The following DHFR2 variants were observed in gnomAD, a reference collection of about 807,000 sequenced individuals.
DHFR2 encodes the protein dihydrofolate reductase 2.
A neutral mutation model predicts 12.0 loss-of-function variants in DHFR2; 11 were observed. The observed-to-expected ratio is 0.92, with a 90% CI of 0.58 to 1.52. The LOEUF (loss-of-function observed/expected upper bound fraction) is 1.52, where lower values mean the gene tolerates loss of function less well. Among genes scored for constraint, DHFR2 ranks in the 40% most tolerant of loss-of-function variants. DHFR2 has a pLI of 0.00. For missense variants in DHFR2, 188 were observed against 221.2 expected (o/e 0.85, Z 0.95); for synonymous variants, 87 against 79.6 (o/e 1.09, Z -0.49).
In DHFR2 at chr3:94,061,000, T is replaced by C; in HGVS notation, c.512A>G (p.Gln171Arg). The change falls in exon 2 of 2, where the codon CAG (glutamine) becomes CGG (arginine). Residue 171 changes from glutamine (Q) to arginine (R), a missense_variant. Gln to Arg is a conservative substitution (Grantham distance 43). Coordinates refer to ENST00000314636, the MANE Select transcript of DHFR2 (RefSeq NM_176815.5). Reference protein sequence around the residue: ...PEYPGVLSDVQEGKHIKYKFE... With the variant: ...PEYPGVLSDVREGKHIKYKFE... Reference sequence around the variant, plus strand: ...TTTGTACTTGATGTGTTTCCCCTCCTGGACATCAGAGAGAACACCTGGGTA... The same window carrying C: ...TTTGTACTTGATGTGTTTCCCCTCCCGGACATCAGAGAGAACACCTGGGTA... 2 of 1,613,982 alleles carry C rather than the reference T, an allele frequency of 1.2e-6. No individual in the cohort carries two copies. The highest frequency in any genetic ancestry group is 1.7e-6 in the Non-Finnish European group (2 of 1,179,858).
Position 94,061,750 on chromosome 3 carries a change from T to C in DHFR2, c.-95-144A>G, listed in dbSNP as rs544489127. Reference sequence around the variant, plus strand: ...TATAAATTTATAAAATTATAAAAAATACAGAGGCTGAAAGGTTAGACCGAC... The same window carrying C: ...TATAAATTTATAAAATTATAAAAAACACAGAGGCTGAAAGGTTAGACCGAC... On this transcript the variant is annotated intron_variant, in intron 1 of 1. Transcript: ENST00000314636. The C allele has an allele frequency of 2.5e-4, 149 of 601,888 alleles. No homozygotes were observed. In the African/African-American group the frequency reaches 2.9e-3, roughly 12 times the overall value. The allele number at this position is 601,888 out of a possible 1,614,324, so 37.3% of individuals were successfully genotyped here. A position where few individuals can be genotyped will look rare whatever the true frequency, so the allele number is the denominator to read the frequency against.
Position 94,061,295 on chromosome 3 carries a change from T to C in DHFR2, c.217A>G (p.Asn73Asp). 1 of 1,614,010 alleles carries C rather than the reference T, an allele frequency of 6.2e-7. No homozygotes were observed. The highest frequency in any genetic ancestry group is 8.5e-7 in the Non-Finnish European group (1 of 1,179,884). The change falls in exon 2 of 2, where the codon AAT becomes GAT. Residue 73 changes from asparagine (N) to aspartate (D), a missense_variant. Coordinates refer to ENST00000314636, the MANE Select transcript of DHFR2 (RefSeq NM_176815.5). ...TTGAGTTCTCTGCTGAGAACTAAAT[T>C]AATTCTATCCTTTAAAGGTCGATTC... ...EKNRPLKDRI[N>D]LVLSRELKEP...
In DHFR2 at chr3:94,062,862, C is replaced by A; in HGVS notation, c.-212G>T. The A allele has an allele frequency of 2.0e-6, 1 of 491,254 alleles. No homozygotes were observed. The highest frequency in any genetic ancestry group is 3.7e-6 in the Non-Finnish European group (1 of 270,424). The allele number at this position is 491,254 out of a possible 1,614,324, so 30.4% of individuals were successfully genotyped here. ...TAGCGAAAGTCGCTTTGGCCCTGGC[C>A]CGTTACCTCCGCGTCCTGGGAAGTA... On this transcript the variant is annotated 5_prime_UTR_variant, in exon 1 of 2. Coordinates refer to ENST00000314636, the MANE Select transcript of DHFR2 (RefSeq NM_176815.5).
chr3:94,059,145 G>T lies in DHFR2; in HGVS notation c.*1803C>A, dbSNP rs1296903670. The T allele has an allele frequency of 6.6e-6, 1 of 152,080 alleles. No individual in the cohort carries two copies. Among genetic ancestry groups the T allele is most frequent in the African/African-American group, 2.4e-5 (1 of 41,392 alleles). The allele number at this position is 152,080 out of a possible 1,614,324, so 9.4% of individuals were successfully genotyped here. On this transcript the variant is annotated 3_prime_UTR_variant, in exon 2 of 2. Transcript: ENST00000314636. Reference sequence around the variant, plus strand: ...AATGTATTATTTTACCTTCACCCTTGATTCTTTGCCTGAATATAGATTTAT... The same window carrying T: ...AATGTATTATTTTACCTTCACCCTTTATTCTTTGCCTGAATATAGATTTAT...
Position 94,059,623 on chromosome 3 carries a change from TC to T in DHFR2, c.*1324del, listed in dbSNP as rs2077161739. ...TTCCAACTTTAAAATATATCTTAAATCACAATTTCTTACCACATGCAATCCT... is the reference window on the plus strand; with the variant it reads ...TTCCAACTTTAAAATATATCTTAAATACAATTTCTTACCACATGCAATCCT... On this transcript the variant is annotated 3_prime_UTR_variant, in exon 2 of 2. Coordinates refer to ENST00000314636, the MANE Select transcript of DHFR2 (RefSeq NM_176815.5). 2.0e-5 allele frequency: 3 copies of T among 152,216 alleles called. No individual in the cohort carries two copies. The highest frequency in any genetic ancestry group is 7.2e-5 in the African/African-American group (3 of 41,448). The allele number at this position is 152,216 out of a possible 1,614,324, so 9.4% of individuals were successfully genotyped here. A position where few individuals can be genotyped will look rare whatever the true frequency, so the allele number is the denominator to read the frequency against.
rs1250215786 is a variant in DHFR2, at chr3:94,059,967, A to C, written c.*981T>G. ...GCCACCCAGGAGCCTGAGGCAGGAG[A>C]ATTGCTTGAACCTGGGAAGGCTGAA... On this transcript the variant is annotated 3_prime_UTR_variant, in exon 2 of 2. Transcript: ENST00000314636. The C allele has an allele frequency of 2.6e-5, 4 of 152,010 alleles. No individual in the cohort carries two copies. Among genetic ancestry groups the C allele is most frequent in the Non-Finnish European group, 5.9e-5 (4 of 68,046 alleles). The allele number at this position is 152,010 out of a possible 1,614,324, so 9.4% of individuals were successfully genotyped here.
Position 94,059,098 on chromosome 3 carries a change from CCT to C in DHFR2, c.*1848_*1849del, listed in dbSNP as rs1275334023. Reference sequence around the variant, plus strand: ...TTCCCAAGAAAGGGTACATGTAACCCCTGAGTCTTTGCTTGTCTAAAAATGTA... The same window carrying C: ...TTCCCAAGAAAGGGTACATGTAACCCGAGTCTTTGCTTGTCTAAAAATGTA... On this transcript the variant is annotated 3_prime_UTR_variant, in exon 2 of 2. Transcript: ENST00000314636. 7 of 152,136 alleles carry C rather than the reference CCT, an allele frequency of 4.6e-5. No homozygotes were observed. The highest frequency in any genetic ancestry group is 9.7e-5 in the African/African-American group (4 of 41,406). The allele number at this position is 152,136 out of a possible 1,614,324, so 9.4% of individuals were successfully genotyped here.
Position 94,062,758 on chromosome 3 carries a change from A to G in DHFR2, c.-108T>C. The G allele has an allele frequency of 3.5e-6, 1 of 284,714 alleles. No individual in the cohort carries two copies. Among genetic ancestry groups the G allele is most frequent in the Non-Finnish European group, 6.8e-6 (1 of 146,266 alleles). The allele number at this position is 284,714 out of a possible 1,614,324, so 17.6% of individuals were successfully genotyped here. A position where few individuals can be genotyped will look rare whatever the true frequency, so the allele number is the denominator to read the frequency against. ...GCGATCCTCCCACCTCAGCATCCGC[A>G]GAAGCAGGGGCCGCACAGGCGCGCA... On this transcript the variant is annotated 5_prime_UTR_variant, in exon 1 of 2. Transcript: ENST00000314636.
upstream of DHFR2, chr3:94,063,249 C>G (rs994237613): frequency 1.2e-5 from 13 of 1,068,090 alleles, no homozygotes; most frequent in Admixed American, 1.9e-4. Context: ...TTGTTCGTCC[C>G]CTCGCGAGAT....
Position 94,058,169 on chromosome 3 carries a change from A to G in DHFR2, c.*2779T>C, listed in dbSNP as rs1331624886. 4 of 152,170 alleles carry G rather than the reference A, an allele frequency of 2.6e-5. No individual in the cohort carries two copies. Among genetic ancestry groups the G allele is most frequent in the Non-Finnish European group, 5.9e-5 (4 of 68,022 alleles). The allele number at this position is 152,170 out of a possible 1,614,324, so 9.4% of individuals were successfully genotyped here. On this transcript the variant is annotated 3_prime_UTR_variant, in exon 2 of 2. Coordinates refer to ENST00000314636, the MANE Select transcript of DHFR2 (RefSeq NM_176815.5). Reference sequence around the variant, plus strand: ...GTTAAGTAAAATCAAATGGCTCCAAAAGTCTTACAATGAAAACAGTCCTGC... The same window carrying G: ...GTTAAGTAAAATCAAATGGCTCCAAGAGTCTTACAATGAAAACAGTCCTGC...
Position 94,059,089 on chromosome 3 carries a change from C to T in DHFR2, c.*1859G>A, listed in dbSNP as rs533264990. ...TCCGATAGCTTCCCAAGAAAGGGTA[C>T]ATGTAACCCCTGAGTCTTTGCTTGT... On this transcript the variant is annotated 3_prime_UTR_variant, in exon 2 of 2. Transcript: ENST00000314636. The T allele has an allele frequency of 2.0e-5, 3 of 152,326 alleles. No homozygotes were observed. Among genetic ancestry groups the T allele is most frequent in the Admixed American group, 6.5e-5 (1 of 15,302 alleles). 9.4% of individuals were successfully genotyped at this position (152,326 alleles called of 1,614,324 possible).
At position 94,059,973 on chromosome 3, in the gene DHFR2, T is replaced by A. The variant is rs1463067167; in HGVS notation, c.*975A>T. The A allele has an allele frequency of 1.3e-5, 2 of 152,036 alleles. No individual in the cohort carries two copies. The highest frequency in any genetic ancestry group is 2.9e-5 in the Non-Finnish European group (2 of 68,026). 9.4% of individuals were successfully genotyped at this position (152,036 alleles called of 1,614,324 possible). On this transcript the variant is annotated 3_prime_UTR_variant, in exon 2 of 2. Transcript: ENST00000314636. ...CAGGAGCCTGAGGCAGGAGAATTGC[T>A]TGAACCTGGGAAGGCTGAAGTTGCC... is the stretch of plus-strand genomic sequence containing the variant.
chr3:94,061,577 A>C lies in DHFR2; in HGVS notation c.-66T>G. On this transcript the variant is annotated 5_prime_UTR_variant, in exon 2 of 2. Transcript: ENST00000314636. Reference sequence around the variant, plus strand: ...AGGAAGCCAGGCCAAGAATGCCGCGAAATTCCCTTCTTCAAATTTTTTTAC... The same window carrying C: ...AGGAAGCCAGGCCAAGAATGCCGCGCAATTCCCTTCTTCAAATTTTTTTAC... 6.3e-6 allele frequency: 10 copies of C among 1,597,554 alleles called. 1 individual carries two copies. The South Asian group carries it at 1.0e-4, about 16-fold the overall frequency.
intron 1 of DHFR2, 73 bp from the exon 2 acceptor site, chr3:94,061,679 T>C (rs1466253863): frequency 1.9e-5 from 16 of 821,166 alleles, no homozygotes; most frequent in Non-Finnish European, 2.3e-5. Flanking sequence ...AAATAAATTA[T>C]ATAAAATATA....
chr3:94,061,520 C>G lies in DHFR2; in HGVS notation c.-9G>C, dbSNP rs1277745190. The G allele has an allele frequency of 6.2e-7, 1 of 1,613,806 alleles. No individual in the cohort carries two copies. Among genetic ancestry groups the G allele is most frequent in the Non-Finnish European group, 8.5e-7 (1 of 1,179,892 alleles). ...TTTAGCAAAAGAAACATGACAGCAG[C>G]GGTTAACACCTCCGAACTTGCTGGC... On this transcript the variant is annotated 5_prime_UTR_variant, in exon 2 of 2. Transcript: ENST00000314636.
rs767581494 is a variant in DHFR2 at position 94,061,222 on chromosome 3, G to A, written c.290C>T (p.Ala97Val). 25 of 1,613,800 alleles carry A rather than the reference G, an allele frequency of 1.5e-5. No individual in the cohort carries two copies. Among genetic ancestry groups the A allele is most frequent in the Admixed American group, 3.3e-5 (2 of 60,000 alleles). The part of the protein sequence containing the change: ...AHFLARSLDD[A>V]LKLTERPELA... ...TTCTGGTCGTTCAGTAAGTTTTAAGGCATCATCCAAACTTCTGGCAAGAAA... is the reference window on the plus strand; with the variant it reads ...TTCTGGTCGTTCAGTAAGTTTTAAGACATCATCCAAACTTCTGGCAAGAAA... Residue 97 changes from alanine to valine, a missense_variant, in exon 2 of 2, where the codon GCC (alanine) becomes GTC (valine). Physicochemically the swap from Ala to Val is moderately conservative, Grantham distance 64. Coordinates refer to ENST00000314636, the MANE Select transcript of DHFR2 (RefSeq NM_176815.5).
intron 1 of DHFR2, among the ~76,000 whole-genome samples, chr3:94,062,060 C>T (rs1168348908): frequency 6.6e-6 from 1 of 152,200 alleles, no homozygotes; most frequent in East Asian, 1.9e-4. Context: ...CATATCAAAC[C>T]GGTTTTTTCT....
chr3:94,059,190 A>G lies in DHFR2; in HGVS notation c.*1758T>C, dbSNP rs149036331. On this transcript the variant is annotated 3_prime_UTR_variant, in exon 2 of 2. Transcript: ENST00000314636. ...ATTTATCAGTTGAAAATAACTTTATAGAATTCTGAAGGCATGGTTCCGTTG... is the reference window on the plus strand; with the variant it reads ...ATTTATCAGTTGAAAATAACTTTATGGAATTCTGAAGGCATGGTTCCGTTG... 6.6e-6 allele frequency: 1 copy of G among 152,164 alleles called. No individual in the cohort carries two copies. The highest frequency in any genetic ancestry group is 6.5e-5 in the Admixed American group (1 of 15,284). 9.4% of individuals were successfully genotyped at this position (152,164 alleles called of 1,614,324 possible). A position where few individuals can be genotyped will look rare whatever the true frequency, so the allele number is the denominator to read the frequency against.
In DHFR2 at chr3:94,062,771, G is replaced by T. The variant is rs73156375; in HGVS notation, c.-121C>A. ...CTCAGCATCCGCAGAAGCAGGGGCC[G>T]CACAGGCGCGCAGATGTGTGACTTT... On this transcript the variant is annotated 5_prime_UTR_variant, in exon 1 of 2. Transcript: ENST00000314636. 0.08 allele frequency: 22,337 copies of T among 280,850 alleles called. 1,265 individuals are homozygous for T. Among genetic ancestry groups the T allele is most frequent in the Non-Finnish European group, 0.11 (16,183 of 144,772 alleles). The allele number at this position is 280,850 out of a possible 1,614,324, so 17.4% of individuals were successfully genotyped here.
Sources: allele counts gnomAD v4.1 joint callset (sites outside exome capture counted in the v4.1 genomes callset), GRCh38; gene constraint gnomAD v4.1.1; transcripts MANE v1.5; gene names NCBI Gene and HGNC (gene_info 2026-07-23, HGNC 2026-07-21).